ZFPM2: variants seen among roughly 807,000 people sequenced by gnomAD.
ZFPM2 encodes the protein zinc finger protein ZFPM2.
ZFPM2 carries 20 observed loss-of-function variants against 98.6 expected under a neutral mutation model. That is an observed-to-expected ratio of 0.20 (90% confidence interval 0.14 to 0.29). ZFPM2 has a LOEUF of 0.29. ZFPM2 is among the 10% of genes least tolerant of loss of function. The pLI is 1.00. For synonymous variants in ZFPM2, 518 were observed against 502.7 expected (o/e 1.03, Z -0.41); for missense variants, 1,310 against 1,388.6 (o/e 0.94, Z 0.90).
At chr8:105,364,461 A>G (rs1390286246) in intron 1 of ZFPM2, among the ~76,000 whole-genome samples, 1 of 152,104 alleles carries the variant, frequency 6.6e-6, no homozygotes, top group Non-Finnish European at 1.5e-5. Context: ...AATTTTATAT[A>G]TATTCATCTC....
intron 5 of ZFPM2, among the ~76,000 whole-genome samples, chr8:105,731,132 A>G (rs1350084976): frequency 1.3e-5 from 2 of 151,806 alleles, no homozygotes; most frequent in Non-Finnish European, 2.9e-5. Flanking sequence ...CAGATCCACA[A>G]TTCCTTTTTC....
intron 1 of ZFPM2, among the ~76,000 whole-genome samples, chr8:105,391,326 G>A (rs1811104545): frequency 6.6e-6 from 1 of 152,166 alleles, no homozygotes; most frequent in Non-Finnish European, 1.5e-5. Flanking sequence ...AAATGCTGAT[G>A]ATCATCTGAG....
At chr8:105,596,363 AAAG>A (rs1259409087) in intron 4 of ZFPM2, among the ~76,000 whole-genome samples, 8 of 152,072 alleles carry the variant, frequency 5.3e-5, no homozygotes, top group Non-Finnish European at 1.2e-4. Flanking sequence ...AAGAAAGAAA[AAAG>A]AAGGAAACAA....
chr8:105,746,895 A>T (rs1319601185), intron 5 of ZFPM2, among the ~76,000 whole-genome samples: 1 of 151,994 alleles, frequency 6.6e-6, no homozygotes, highest in Non-Finnish European at 1.5e-5. Flanking sequence ...TAGAACCAAA[A>T]GTTCTATGAC....
At chr8:105,706,018 A>G (rs1811251059) in intron 5 of ZFPM2, among the ~76,000 whole-genome samples, 1 of 152,168 alleles carries the variant, frequency 6.6e-6, no homozygotes, top group Non-Finnish European at 1.5e-5. Context: ...TCCTTAATAC[A>G]CTACCTAATT....
Position 105,788,871 on chromosome 8 carries a change from T to G in ZFPM2, c.686T>G (p.Leu229Arg). 1 of 1,613,878 alleles carries G rather than the reference T, an allele frequency of 6.2e-7. No individual in the cohort carries two copies. The highest frequency in any genetic ancestry group is 8.5e-7 in the Non-Finnish European group (1 of 1,179,852). The change falls in exon 6 of 8, where the codon CTG becomes CGG. Residue 229 changes from leucine (L) to arginine (R), a missense_variant. Physicochemically the swap from Leu to Arg is moderately radical, Grantham distance 102 (BLOSUM62 -2). Transcript: ENST00000407775. ...YPARLLDSIQ[L>R]LPQQAAMASI... is the part of the protein sequence containing the mutation. Reference sequence around the variant, plus strand: ...GCACGCCTGCTGGACTCAATTCAGCTGCTTCCTCAGCAAGCTGCCATGGCT... The same window carrying G: ...GCACGCCTGCTGGACTCAATTCAGCGGCTTCCTCAGCAAGCTGCCATGGCT...
At position 105,649,543 on chromosome 8, in the gene ZFPM2, G is replaced by A. The variant is rs554339819; in HGVS notation, c.532+15186G>A. 2.0e-5 allele frequency among the ~76,000 whole-genome samples: 3 copies of A among 152,288 alleles called. No individual in the cohort carries two copies. The East Asian group carries it at 5.8e-4, about 29-fold the overall frequency. ...TGTCATAAATAGCTCTTATTATTTT[G>A]AGATACGTCCCATCAATACCTAATT... On this transcript the variant is annotated intron_variant, in intron 5 of 7. Coordinates refer to ENST00000407775, the MANE Select transcript of ZFPM2 (RefSeq NM_012082.4).
chr8:105,396,995 C>G (rs1317018007), intron 1 of ZFPM2, among the ~76,000 whole-genome samples: 1 of 152,128 alleles, frequency 6.6e-6, no homozygotes, highest in African/African-American at 2.4e-5. Flanking sequence ...TTACATATTA[C>G]TCAAGAAATA....
intron 1 of ZFPM2, among the ~76,000 whole-genome samples, chr8:105,343,929 A>T (rs1427201137): frequency 2.0e-5 from 3 of 152,138 alleles, no homozygotes; most frequent in Non-Finnish European, 4.4e-5. Flanking sequence ...TAATTTATAA[A>T]GAAAAGGAGG....
intron 6 of ZFPM2, among the ~76,000 whole-genome samples, chr8:105,793,777 G>A (rs1329317053): frequency 6.6e-6 from 1 of 151,224 alleles, no homozygotes; most frequent in African/African-American, 2.5e-5. Context: ...TGGAGGCTTT[G>A]TTTGTTTCTT....
intron 3 of ZFPM2, among the ~76,000 whole-genome samples, chr8:105,493,647 G>A (rs1456864774): frequency 6.6e-6 from 1 of 152,126 alleles, no homozygotes; most frequent in East Asian, 1.9e-4. Flanking sequence ...CTCTGGCCCT[G>A]CTGTGGTATT....
chr8:105,764,969 C>T lies in ZFPM2; in HGVS notation c.533-23749C>T, dbSNP rs1240924493. On this transcript the variant is annotated intron_variant, in intron 5 of 7. Transcript: ENST00000407775. ...CTCTAGCTTTCAGAATTCATAATGA[C>T]CTTTGATTTAAAACAGTTAGTACTA... 2.0e-5 allele frequency among the ~76,000 whole-genome samples: 3 copies of T among 151,886 alleles called. No individual in the cohort carries two copies. The East Asian group carries it at 5.8e-4, about 30-fold the overall frequency.
At chr8:105,389,013 C>CGTGTGTGTGTGTGTGTGTGT (rs142145699) in intron 1 of ZFPM2, among the ~76,000 whole-genome samples, 19 of 134,904 alleles carry the variant, frequency 1.4e-4, no homozygotes, top group East Asian at 4.5e-4. Flanking sequence ...AATTTGATGA[C>CGTGTGTGTGTGTGTGTGTGT]GTGTGTGTGT....
chr8:105,511,939 A>G (rs1813826417), intron 3 of ZFPM2, among the ~76,000 whole-genome samples: 1 of 152,198 alleles, frequency 6.6e-6, no homozygotes, highest in South Asian at 2.1e-4. Context: ...TGAGGCCAGG[A>G]GTTCAAGACC....
intron 1 of ZFPM2, among the ~76,000 whole-genome samples, chr8:105,327,338 A>AT (rs1287594510): frequency 6.6e-6 from 1 of 151,612 alleles, no homozygotes; most frequent in Admixed American, 6.6e-5. Flanking sequence ...AGAAGCAAAC[A>AT]TTTTTTCTTT....
intron 4 of ZFPM2, among the ~76,000 whole-genome samples, chr8:105,630,689 AT>A (rs1354721856): frequency 6.6e-6 from 1 of 152,214 alleles, no homozygotes; most frequent in Non-Finnish European, 1.5e-5. Flanking sequence ...TATTTTACTC[AT>A]ATTATCAGTT....
intron 4 of ZFPM2, among the ~76,000 whole-genome samples, chr8:105,625,263 G>A (rs1261334765): frequency 1.3e-5 from 2 of 151,464 alleles, no homozygotes; most frequent in Non-Finnish European, 2.9e-5. Context: ...TTCAAGCAAT[G>A]CAACTTTGAT....
chr8:105,498,638 G>C (rs769705318), intron 3 of ZFPM2, among the ~76,000 whole-genome samples: 23 of 152,142 alleles, frequency 1.5e-4, no homozygotes. Context: ...CTGCAAAATA[G>C]CCGTAACTTG....
intron 5 of ZFPM2, among the ~76,000 whole-genome samples, chr8:105,709,224 C>A (rs961570739): frequency 1.6e-4 from 24 of 152,072 alleles, no homozygotes; most frequent in African/African-American, 4.8e-4. Context: ...TAAAGTAAAT[C>A]ATTGAATGCA....
Sources: gnomAD v4.1 joint callset for allele counts (sites outside exome capture counted in the v4.1 genomes callset) on GRCh38, gnomAD v4.1.1 for gene constraint, MANE v1.5 for transcripts, NCBI Gene and HGNC (gene_info 2026-07-23, HGNC 2026-07-21) for gene names.